Variants in SH2D7 observed in about 807,000 individuals in gnomAD.
The protein encoded by SH2D7 is SH2 domain containing 7, also known as SH2 domain-containing protein 7.
A neutral mutation model predicts 40.8 loss-of-function variants in SH2D7; 32 were observed. The observed-to-expected ratio is 0.78, with a 90% CI of 0.59 to 1.05. The LOEUF is 1.05. Ranked by LOEUF, SH2D7 falls within the 50% of genes least tolerant of loss-of-function variation. The pLI is 0.00. For synonymous variants in SH2D7, 195 were observed against 221.5 expected (o/e 0.88, Z 1.06); for missense variants, 559 against 566.6 (o/e 0.99, Z 0.14).
upstream of SH2D7, chr15:78,091,409 T>C (rs1218928054): frequency 6.6e-6 from 1 of 152,232 alleles, no homozygotes; most frequent in East Asian, 1.9e-4. Flanking sequence ...ATGCCCATTT[T>C]ACAGATGAGG....
At chr15:78,094,842 A>C (rs1440792062) in intron 2 of SH2D7, among the ~76,000 whole-genome samples, 1 of 152,168 alleles carries the variant, frequency 6.6e-6, no homozygotes, top group Admixed American at 6.5e-5. Context: ...TGAGATAATG[A>C]GGTCTAGGCT....
intron 1 of SH2D7, among the ~76,000 whole-genome samples, chr15:78,093,340 G>A (rs964836552): frequency 5.3e-5 from 8 of 152,194 alleles, no homozygotes; most frequent in African/African-American, 1.9e-4. Flanking sequence ...GGGTCAAAAG[G>A]GCTCCACATT....
intron 5 of SH2D7, among the ~76,000 whole-genome samples, chr15:78,102,537 G>GGTGGTGGTGGTGGTA (rs980303480): frequency 6.6e-6 from 1 of 151,942 alleles, no homozygotes; most frequent in Non-Finnish European, 1.5e-5. Flanking sequence ...GGATCTCTGG[G>GGTGGTGGTGGTGGTA]GTGGTGGTGG....
At chr15:78,103,137 C>T (rs2074028559) in intron 5 of SH2D7, among the ~76,000 whole-genome samples, 1 of 152,158 alleles carries the variant, frequency 6.6e-6, no homozygotes, top group Non-Finnish European at 1.5e-5. Context: ...ACCTCGGACA[C>T]CAGTGCATCC....
chr15:78,093,775 C>T (rs1411853013), intron 1 of SH2D7, among the ~76,000 whole-genome samples: 1 of 152,242 alleles, frequency 6.6e-6, no homozygotes, highest in Non-Finnish European at 1.5e-5. Flanking sequence ...TTTATTCTTG[C>T]TACACAACCA....
upstream of SH2D7, among the ~76,000 whole-genome samples, chr15:78,090,623 CCAT>C (rs59098608): frequency 0.25 from 36,139 of 146,288 alleles, 5,283 homozygotes; most frequent in East Asian, 0.74. Flanking sequence ...TCTTGCATCA[CCAT>C]CATCATCATC....
chr15:78,100,910 A>G lies in SH2D7; in HGVS notation c.657A>G (p.Arg219=), dbSNP rs2074009751. 6.2e-7 allele frequency: 1 copy of G among 1,613,378 alleles called. No individual in the cohort carries two copies. Among genetic ancestry groups the G allele is most frequent in the Non-Finnish European group, 8.5e-7 (1 of 1,179,764 alleles). The change falls in exon 5 of 6, where the codon AGA becomes AGG. Residue 219 remains arginine (R), a synonymous_variant. Transcript: ENST00000328828. The part of the protein sequence containing the change: ...SQEESMEAPI[R]VSPLPEKSSS... ...CCCTGTCTCCCCAGGCTCCCATCAG[A>G]GTGTCTCCACTCCCTGAGAAGAGTT...
rs2074035116 is a variant in SH2D7, at chr15:78,104,294, T to C, written c.*779T>C. 1 of 152,264 alleles carries C rather than the reference T, an allele frequency of 6.6e-6. No homozygotes were observed. Among genetic ancestry groups the C allele is most frequent in the African/African-American group, 2.4e-5 (1 of 41,440 alleles). 9.4% of individuals were successfully genotyped at this position (152,264 alleles called of 1,614,324 possible). The stretch of plus-strand genomic sequence containing the variant: ...GGGCAGAGCGGGCTCAGGTTGCATT[T>C]GTGGGAAATCTACTCTTAGTGACCA... On this transcript the variant is annotated 3_prime_UTR_variant, in exon 6 of 6. Transcript: ENST00000328828. This position sits in a 1 kb window ranked among gnomAD's most constrained non-coding sequence, Gnocchi z 4.4.
intron 4 of SH2D7, among the ~76,000 whole-genome samples, chr15:78,099,237 G>A (rs1039692753): frequency 6.6e-6 from 1 of 152,090 alleles, no homozygotes; most frequent in East Asian, 1.9e-4. Flanking sequence ...GGCTGGTCTT[G>A]AACTCTTGAC....
chr15:78,092,473 G>A, upstream of SH2D7: 1 of 1,218,806 alleles, frequency 8.2e-7, no homozygotes, highest in Non-Finnish European at 1.1e-6. Context: ...GGGCTGCTGT[G>A]TGCTATGGGC....
At chr15:78,100,856 G>A in intron 4 of SH2D7, 43 bp from the exon 5 acceptor site, 1 of 1,590,888 alleles carries the variant, frequency 6.3e-7, no homozygotes, top group Non-Finnish European at 8.5e-7. Context: ...GCATCTTAGT[G>A]ATGGGCTGCC....
At chr15:78,095,204 G>A (rs2073963767) in intron 2 of SH2D7, among the ~76,000 whole-genome samples, 1 of 152,192 alleles carries the variant, frequency 6.6e-6, no homozygotes, top group African/African-American at 2.4e-5. Flanking sequence ...GTTTAAAACT[G>A]TTTAACACAA....
intron 4 of SH2D7, among the ~76,000 whole-genome samples, chr15:78,100,012 C>G (rs1020579134): frequency 4.6e-5 from 7 of 152,212 alleles, no homozygotes; most frequent in Non-Finnish European, 8.8e-5. Context: ...ATCCCATGAC[C>G]CTGCTTCGTT....
chr15:78,101,042 G>C lies in SH2D7; in HGVS notation c.789G>C (p.Arg263Ser). The change falls in exon 5 of 6, where the codon AGG becomes AGC. Residue 263 changes from arginine to serine, a missense_variant. Coordinates refer to ENST00000328828, the MANE Select transcript of SH2D7 (RefSeq NM_001101404.2). ...GCTTGGGCACAGAGGGGTCCGGCAG[G>C]CATGGGCCAGTTCCAGCTGGCAGCC... ...RLGLGTEGSG[R>S]HGPVPAGSQA... is the part of the protein sequence containing the mutation. 6.2e-7 allele frequency: 1 copy of C among 1,609,628 alleles called. No individual in the cohort carries two copies. The highest frequency in any genetic ancestry group is 1.1e-5 in the South Asian group (1 of 90,380).
intron 5 of SH2D7, 150 bp downstream of exon 5, chr15:78,101,708 AGTGGTGGTG>A (rs544657353): frequency 5.1e-6 from 5 of 982,998 alleles, no homozygotes; most frequent in South Asian, 1.9e-5. Flanking sequence ...TCTGCCTAGA[AGTGGTGGTG>A]GTGGTGGTGG....
chr15:78,098,466 C>T lies in SH2D7; in HGVS notation c.515C>T (p.Ala172Val). 1.2e-6 allele frequency: 2 copies of T among 1,614,060 alleles called. No homozygotes were observed. The highest frequency in any genetic ancestry group is 2.2e-5 in the South Asian group (2 of 91,086). The stretch of plus-strand genomic sequence containing the variant: ...GACCCAGAAAACCCACCTGCCACGG[C>T]ATTCCTCACAGTGGTCCCCGACAAG... ...IVDPENPPAT[A>V]FLTVVPDKAA... is the part of the protein sequence containing the mutation. Residue 172 changes from alanine to valine, a missense_variant, in exon 4 of 6, where the codon GCA becomes GTA. Ala to Val is a moderately conservative substitution (Grantham distance 64). Coordinates refer to ENST00000328828, the MANE Select transcript of SH2D7 (RefSeq NM_001101404.2).
At chr15:78,103,323 G>C (rs2074029505) in intron 5 of SH2D7, 142 bp from the exon 6 acceptor site, 1 of 879,032 alleles carries the variant, frequency 1.1e-6, no homozygotes, top group South Asian at 1.8e-5. Flanking sequence ...GAGGCTTGTG[G>C]AATCAACTAT....
upstream of SH2D7, among the ~76,000 whole-genome samples, chr15:78,090,224 C>A (rs1036623828): frequency 3.8e-4 from 58 of 152,120 alleles, no homozygotes; most frequent in African/African-American, 1.3e-3. Context: ...CTGGCTAACA[C>A]GGTAAAACCC....
At chr15:78,091,817 G>A (rs1209574458), upstream of SH2D7, among the ~76,000 whole-genome samples, 1 of 152,174 alleles carries the variant, frequency 6.6e-6, no homozygotes, top group Non-Finnish European at 1.5e-5. Context: ...CTTTCCCCCT[G>A]CTGACAAGAG....
Sources: allele counts gnomAD v4.1 joint callset (sites outside exome capture counted in the v4.1 genomes callset), GRCh38; gene constraint gnomAD v4.1.1; non-coding constraint Gnocchi (gnomAD v3.1); transcripts MANE v1.5; gene names NCBI Gene and HGNC (gene_info 2026-07-23, HGNC 2026-07-21).